DCLK1: variants seen among roughly 807,000 people sequenced by gnomAD.
The protein encoded by DCLK1 is doublecortin like kinase 1.
In DCLK1, 16 loss-of-function variants were observed where a neutral mutation model predicts 86.2. The observed-to-expected ratio is 0.19, with a 90% CI of 0.13 to 0.28. The LOEUF is 0.28. Among genes scored for constraint, DCLK1 ranks in the 10% least tolerant of loss-of-function variants. The pLI, the probability that DCLK1 is intolerant of heterozygous loss-of-function variation, is 1.00. For synonymous variants in DCLK1, 369 were observed against 370.5 expected, an observed-to-expected ratio of 1.00 and a Z score of 0.05; for missense variants, 590 against 940.2, an observed-to-expected ratio of 0.63 and a Z score of 4.87.
intron 5 of DCLK1, among the ~76,000 whole-genome samples, chr13:35,864,388 A>AC (rs2153113062): frequency 9.3e-6 from 1 of 107,168 alleles, no homozygotes; most frequent in African/African-American, 4.1e-5. Flanking sequence ...AAACGGTGAA[A>AC]CCCCGTCTCT....
At chr13:35,876,382 C>T (rs765900649) in intron 4 of DCLK1, among the ~76,000 whole-genome samples, 7 of 152,114 alleles carry the variant, frequency 4.6e-5, no homozygotes, top group Non-Finnish European at 7.3e-5. Flanking sequence ...ATAGTAACTA[C>T]GTTTTCTAAA....
chr13:36,057,765 A>G (rs1325067810), intron 3 of DCLK1, among the ~76,000 whole-genome samples: 1 of 152,132 alleles, frequency 6.6e-6, no homozygotes, highest in East Asian at 1.9e-4. Context: ...GGGGGTGTAG[A>G]GAGAGGGATT....
In DCLK1 at chr13:35,820,799, G is replaced by A. The variant is rs117552022; in HGVS notation, c.1554+1930C>T. Among the ~76,000 whole-genome samples the A allele has an allele frequency of 9.0e-3, 1,366 of 152,326 alleles. 17 individuals carry two copies. Among genetic ancestry groups the A allele is most frequent in the South Asian group, 0.027 (131 of 4,828 alleles). ...AAGAATATGTTTAGGCTACTGTGAA[G>A]ATGAGGAATTTAAGGTGCAATTAAG... On this transcript the variant is annotated intron_variant, in intron 11 of 16. Coordinates refer to ENST00000360631, the MANE Select transcript of DCLK1 (RefSeq NM_001330071.2).
chr13:35,906,185 C>A (rs1320659658), intron 4 of DCLK1, among the ~76,000 whole-genome samples: 1 of 152,170 alleles, frequency 6.6e-6, no homozygotes, highest in East Asian at 1.9e-4. Flanking sequence ...TGCAACCACA[C>A]AGCTTCCAGC....
intron 15 of DCLK1, among the ~76,000 whole-genome samples, chr13:35,796,007 G>C (rs1027316584): frequency 6.6e-6 from 1 of 151,764 alleles, no homozygotes; most frequent in Non-Finnish European, 1.5e-5. Flanking sequence ...ATTTAAGTTG[G>C]ACAATAGCGT....
At chr13:36,095,034 C>T (rs1212865144) in intron 3 of DCLK1, among the ~76,000 whole-genome samples, 3 of 152,142 alleles carry the variant, frequency 2.0e-5, no homozygotes, top group Non-Finnish European at 2.9e-5. Flanking sequence ...AAAGCAAACC[C>T]ATGCCCAGTT....
intron 3 of DCLK1, among the ~76,000 whole-genome samples, chr13:36,063,698 G>A (rs909364347): frequency 4.6e-5 from 7 of 152,178 alleles, no homozygotes; most frequent in Non-Finnish European, 1.0e-4. Context: ...CTAAGAAAAC[G>A]TGAAAAGAGC....
intron 2 of DCLK1, among the ~76,000 whole-genome samples, chr13:36,120,293 C>A (rs1229383259): frequency 6.6e-6 from 1 of 152,040 alleles, no homozygotes. Flanking sequence ...AAAGAGAAAT[C>A]TGGAAAAAAT....
chr13:36,014,844 T>C (rs1881468897), intron 3 of DCLK1, among the ~76,000 whole-genome samples: 1 of 152,204 alleles, frequency 6.6e-6, no homozygotes. Flanking sequence ...GTAAATCATA[T>C]GTTTTTGACC....
intron 3 of DCLK1, among the ~76,000 whole-genome samples, chr13:36,017,382 A>G (rs1200265643): frequency 6.6e-6 from 1 of 152,214 alleles, no homozygotes; most frequent in African/African-American, 2.4e-5. Flanking sequence ...ATGTAACACA[A>G]CTGGGAAAGT....
intron 5 of DCLK1, among the ~76,000 whole-genome samples, chr13:35,856,073 C>A (rs556281939): frequency 6.6e-6 from 1 of 152,258 alleles, no homozygotes; most frequent in Admixed American, 6.5e-5. Flanking sequence ...CTCCAAAGAC[C>A]TTAAAAAATG....
At chr13:35,955,886 G>A (rs1253132981) in intron 3 of DCLK1, among the ~76,000 whole-genome samples, 4 of 152,160 alleles carry the variant, frequency 2.6e-5, no homozygotes, top group African/African-American at 9.7e-5. Flanking sequence ...CCATCTGTCT[G>A]AGTGATTTGG....
intron 5 of DCLK1, among the ~76,000 whole-genome samples, chr13:35,857,325 CAT>C (rs1309934098): frequency 7.2e-5 from 11 of 152,174 alleles, no homozygotes; most frequent in African/African-American, 2.7e-4. Flanking sequence ...GCTAATGAGA[CAT>C]GTGATATATG....
chr13:36,033,653 C>CGGTA (rs1882373278), intron 3 of DCLK1, among the ~76,000 whole-genome samples: 1 of 152,152 alleles, frequency 6.6e-6, no homozygotes. Context: ...AGTACAGGTG[C>CGGTA]GGTAGCTCAC....
chr13:35,854,869 TAACTG>T (rs946969976), intron 5 of DCLK1, among the ~76,000 whole-genome samples: 26 of 152,212 alleles, frequency 1.7e-4, no homozygotes, highest in African/African-American at 6.0e-4. Context: ...ATGATGTCTT[TAACTG>T]TGCCAGCAGG....
chr13:35,900,504 A>G (rs1294984630), intron 4 of DCLK1, among the ~76,000 whole-genome samples: 2 of 152,158 alleles, frequency 1.3e-5, no homozygotes, highest in Non-Finnish European at 2.9e-5. Context: ...AGCCTCCAAA[A>G]GTGTTGGGAT....
At chr13:35,969,589 T>C (rs530692497) in intron 3 of DCLK1, among the ~76,000 whole-genome samples, 1 of 152,308 alleles carries the variant, frequency 6.6e-6, no homozygotes, top group South Asian at 2.1e-4. Context: ...TGTGATACTT[T>C]ATTAAGGCAG....
At chr13:35,952,284 G>A (rs1346367876) in intron 3 of DCLK1, among the ~76,000 whole-genome samples, 3 of 152,096 alleles carry the variant, frequency 2.0e-5, no homozygotes, top group East Asian at 1.9e-4. Flanking sequence ...TGTAGCAAAC[G>A]CGTGCCTATT....
At chr13:35,781,229 AT>A (rs1284919455) in intron 16 of DCLK1, among the ~76,000 whole-genome samples, 2 of 152,282 alleles carry the variant, frequency 1.3e-5, no homozygotes, top group African/African-American at 4.8e-5. Context: ...CTTAAGTTTA[AT>A]CCCCTTGGAA....
Sources: allele counts gnomAD v4.1 joint callset (sites outside exome capture counted in the v4.1 genomes callset), GRCh38; gene constraint gnomAD v4.1.1; transcripts MANE v1.5; gene names NCBI Gene and HGNC (gene_info 2026-07-23, HGNC 2026-07-21).